Variants in TSNARE1 observed in about 807,000 individuals in gnomAD.
The protein encoded by TSNARE1 is t-SNARE domain containing 1.
TSNARE1 carries 49 observed loss-of-function variants against 62.0 expected under a neutral mutation model. The ratio of observed to expected loss-of-function variants is 0.79; its 90% CI spans 0.63 to 1.00. The LOEUF (loss-of-function observed/expected upper bound fraction) is 1.00, where lower values mean the gene tolerates loss of function less well. Among genes scored for constraint, TSNARE1 ranks in the 50% least tolerant of loss-of-function variants. The pLI is 0.00. For missense variants in TSNARE1, 755 were observed against 700.1 expected (o/e 1.08, Z -0.88); for synonymous variants, 328 against 294.4 (o/e 1.11, Z -1.17).
chr8:142,385,972 G>C (rs1837090059), intron 1 of TSNARE1, among the ~76,000 whole-genome samples: 1 of 152,146 alleles, frequency 6.6e-6, no homozygotes, highest in South Asian at 2.1e-4. Flanking sequence ...TTCCTTCCTG[G>C]CAGGGGACCA....
chr8:142,402,487 C>G (rs1838365500), intron 1 of TSNARE1, among the ~76,000 whole-genome samples: 1 of 152,262 alleles, frequency 6.6e-6, no homozygotes, highest in Non-Finnish European at 1.5e-5. Context: ...GCAACAAACA[C>G]GAGGTCCCTG....
chr8:142,358,351 G>A (rs1834910398), intron 1 of TSNARE1, among the ~76,000 whole-genome samples: 1 of 152,210 alleles, frequency 6.6e-6, no homozygotes, highest in South Asian at 2.1e-4. Flanking sequence ...AGGAGCACAG[G>A]AAGCTTGAGG....
intron 11 of TSNARE1, chr8:142,277,192 G>A: frequency 1.0e-6 from 1 of 984,342 alleles, no homozygotes; most frequent in Non-Finnish European, 1.2e-6. Context: ...TCCCAACACA[G>A]GGGGTGCTCC....
intron 1 of TSNARE1, among the ~76,000 whole-genome samples, chr8:142,386,968 T>C (rs1476406195): frequency 6.6e-6 from 1 of 152,174 alleles, no homozygotes; most frequent in Admixed American, 6.5e-5. Flanking sequence ...AAGTGATTGA[T>C]ATACACATCA....
intron 9 of TSNARE1, among the ~76,000 whole-genome samples, chr8:142,302,846 G>A (rs1404562023): frequency 6.6e-6 from 1 of 152,136 alleles, no homozygotes; most frequent in Admixed American, 6.5e-5. Context: ...TCTCCCCACT[G>A]GACCCTGCTG....
At chr8:142,234,916 C>T (rs1458498657) in intron 12 of TSNARE1, among the ~76,000 whole-genome samples, 2 of 152,072 alleles carry the variant, frequency 1.3e-5, no homozygotes, top group Non-Finnish European at 2.9e-5. Context: ...TCCCCCGCAA[C>T]ACCTTCCCAC....
intron 4 of TSNARE1, among the ~76,000 whole-genome samples, chr8:142,336,282 CAA>C (rs749299318): frequency 4.6e-3 from 115 of 25,128 alleles, no homozygotes; most frequent in African/African-American, 0.017. Flanking sequence ...GACCCTGTCT[CAA>C]AAAAAAAAAA....
chr8:142,390,227 C>T (rs990041667), intron 1 of TSNARE1, among the ~76,000 whole-genome samples: 2 of 152,168 alleles, frequency 1.3e-5, no homozygotes, highest in Admixed American at 1.3e-4. Flanking sequence ...TTACTGTACA[C>T]TTTGGGGGAC....
chr8:142,307,165 G>A (rs1277456789), intron 9 of TSNARE1, among the ~76,000 whole-genome samples: 3 of 152,182 alleles, frequency 2.0e-5, no homozygotes, highest in Admixed American at 6.5e-5. Flanking sequence ...TTTGGCTGCT[G>A]TAGAGTCCCC....
chr8:142,315,056 G>T lies in TSNARE1; in HGVS notation c.1021C>A (p.Arg341=). The change falls in exon 8 of 14, where the codon CGG becomes AGG. Residue 341 remains arginine, a synonymous_variant. Coordinates refer to ENST00000524325, the MANE Select transcript of TSNARE1 (RefSeq NM_145003.5). The stretch of plus-strand genomic sequence containing the variant: ...GCATCTGAGAGCTGGGTTTTCAGCC[G>T]GTCCAGCTGAGGACGCTCCTGCTGC... ...RLQQERPQLD[R]LKTQLSDAIQ... 6.2e-7 allele frequency: 1 copy of T among 1,614,074 alleles called. No homozygotes were observed. The highest frequency in any genetic ancestry group is 1.7e-5 in the Admixed American group (1 of 60,020).
At chr8:142,351,476 GA>G (rs1834086091) in intron 2 of TSNARE1, among the ~76,000 whole-genome samples, 1 of 152,086 alleles carries the variant, frequency 6.6e-6, no homozygotes, top group Non-Finnish European at 1.5e-5. Flanking sequence ...AGACATTAAA[GA>G]AAACCCCATA....
chr8:142,336,742 A>G (rs1338115481), intron 4 of TSNARE1, among the ~76,000 whole-genome samples: 1 of 152,232 alleles, frequency 6.6e-6, no homozygotes, highest in African/African-American at 2.4e-5. Context: ...CACGTGGAAC[A>G]TTCACTAAGA....
At chr8:142,396,796 G>C (rs973664326) in intron 1 of TSNARE1, among the ~76,000 whole-genome samples, 2 of 152,214 alleles carry the variant, frequency 1.3e-5, no homozygotes, top group African/African-American at 4.8e-5. Context: ...CTGAGGAGCA[G>C]GAAGAGCCTA....
intron 12 of TSNARE1, among the ~76,000 whole-genome samples, chr8:142,247,164 C>T (rs557901363): frequency 5.3e-5 from 8 of 152,260 alleles, no homozygotes; most frequent in Admixed American, 2.0e-4. Context: ...TGCCCACCGC[C>T]GAGACTCCAG....
At chr8:142,235,713 T>A (rs1332264199) in intron 12 of TSNARE1, among the ~76,000 whole-genome samples, 1 of 152,170 alleles carries the variant, frequency 6.6e-6, no homozygotes, top group Non-Finnish European at 1.5e-5. Flanking sequence ...ATCTCAGGAA[T>A]GCTGTGTCCT....
chr8:142,361,639 T>C lies in TSNARE1; in HGVS notation c.-39-6876A>G, dbSNP rs949725570. On this transcript the variant is annotated intron_variant, in intron 1 of 13. Coordinates refer to ENST00000524325, the MANE Select transcript of TSNARE1 (RefSeq NM_145003.5). ...CTCCCCTGTCCCCTGGGGAAAAACA[T>C]GGTGACCGAGGTGGAGCTGAACTCA... Among the ~76,000 whole-genome samples the C allele has an allele frequency of 1.3e-5, 2 of 152,138 alleles. 1 individual carries two copies. The highest frequency in any genetic ancestry group is 1.3e-4 in the Admixed American group (2 of 15,286).
chr8:142,238,436 G>A (rs184017162), intron 12 of TSNARE1, among the ~76,000 whole-genome samples: 16 of 152,200 alleles, frequency 1.1e-4, no homozygotes, highest in Admixed American at 8.5e-4. Flanking sequence ...AAACCCTGCC[G>A]CTGAGCCCAG....
chr8:142,275,219 C>G (rs1396283017), intron 11 of TSNARE1: 3 of 985,308 alleles, frequency 3.0e-6, no homozygotes, highest in Non-Finnish European at 3.6e-6. Context: ...AGCCCCTCCA[C>G]TCTGTGGCCA....
chr8:142,292,402 G>C (rs1466235611), intron 10 of TSNARE1, among the ~76,000 whole-genome samples: 3 of 152,208 alleles, frequency 2.0e-5, no homozygotes, highest in African/African-American at 7.2e-5. Flanking sequence ...GAATTTTGAA[G>C]ATGGGCATGA....
Sources: allele counts gnomAD v4.1 joint callset (sites outside exome capture counted in the v4.1 genomes callset), GRCh38; gene constraint gnomAD v4.1.1; transcripts MANE v1.5; gene names NCBI Gene and HGNC (gene_info 2026-07-23, HGNC 2026-07-21).